SRRM3: variants seen among roughly 807,000 people sequenced by gnomAD.
SRRM3 encodes the protein serine/arginine repetitive matrix protein 3.
In SRRM3, 27 loss-of-function variants were observed where a neutral mutation model predicts 66.2. The observed-to-expected ratio is 0.41, with a 90% CI of 0.30 to 0.56. SRRM3 has a LOEUF of 0.56. Among genes scored for constraint, SRRM3 ranks in the 20% least tolerant of loss-of-function variants. The pLI is 0.32. For missense variants in SRRM3, 918 were observed against 991.9 expected (o/e 0.93, Z 1.00); for synonymous variants, 391 against 414.9 (o/e 0.94, Z 0.70).
intron 1 of SRRM3, among the ~76,000 whole-genome samples, chr7:76,227,387 C>G (rs1800901246): frequency 6.6e-6 from 1 of 152,238 alleles, no homozygotes; most frequent in Non-Finnish European, 1.5e-5. Flanking sequence ...TGTTCCCCAT[C>G]ACAATAAATG....
At chr7:76,223,143 TCTC>T (rs1353588724) in intron 1 of SRRM3, among the ~76,000 whole-genome samples, 118 of 152,236 alleles carry the variant, frequency 7.8e-4, no homozygotes, top group African/African-American at 2.7e-3. Context: ...CACCAGTGCT[TCTC>T]CTTCTGCATT....
rs1563635284 is a variant in SRRM3, at chr7:76,266,487, T to TATATTTATATATTTAATATATAA, written c.831-757_831-735dup. Among the ~76,000 whole-genome samples, 274 of 111,320 alleles carry TATATTTATATATTTAATATATAA rather than the reference T, an allele frequency of 2.5e-3. 4 individuals are homozygous for TATATTTATATATTTAATATATAA. The highest frequency in any genetic ancestry group is 2.8e-3 in the African/African-American group (74 of 26,790). The allele number at this position is 111,320 out of a possible 152,430, so 73.0% of individuals were successfully genotyped here. A position where few individuals can be genotyped will look rare whatever the true frequency, so the allele number is the denominator to read the frequency against. On this transcript the variant is annotated intron_variant, in intron 10 of 14. Transcript: ENST00000611745. The stretch of plus-strand genomic sequence containing the variant: ...ATATTATAAATATTTATATATTTTA[T>TATATTTATATATTTAATATATAA]ATATTTATATATTTAATATATAAAT...
chr7:76,281,971 C>A (rs1356568507), intron 12 of SRRM3, among the ~76,000 whole-genome samples, 169 bp downstream of exon 12: 6 of 107,734 alleles, frequency 5.6e-5, no homozygotes, highest in Non-Finnish European at 3.8e-5. Flanking sequence ...CCATGAGCTA[C>A]CCCCCACGGA....
chr7:76,214,725 G>A (rs1800514868), intron 1 of SRRM3, among the ~76,000 whole-genome samples: 1 of 152,154 alleles, frequency 6.6e-6, no homozygotes, highest in East Asian at 1.9e-4. Context: ...GTTGTTTAAG[G>A]AAAGGTTTGG....
chr7:76,236,601 G>T (rs184541143), intron 2 of SRRM3, among the ~76,000 whole-genome samples: 53 of 152,334 alleles, frequency 3.5e-4, no homozygotes, highest in African/African-American at 1.3e-3. Flanking sequence ...CCCAGGCTTA[G>T]GCAGAGACAG....
chr7:76,209,893 G>A (rs370562182), intron 1 of SRRM3, among the ~76,000 whole-genome samples: 3 of 152,246 alleles, frequency 2.0e-5, no homozygotes, highest in South Asian at 4.1e-4. Context: ...GGCATGAGCC[G>A]CTGCACCCAG....
chr7:76,209,056 A>ACTATATACC (rs1800369151), intron 1 of SRRM3, among the ~76,000 whole-genome samples: 1 of 152,158 alleles, frequency 6.6e-6, no homozygotes, highest in Admixed American at 6.6e-5. Flanking sequence ...CTATGATTGC[A>ACTATATACC]CCACTATACT....
At chr7:76,225,493 G>A (rs28566818) in intron 1 of SRRM3, among the ~76,000 whole-genome samples, 8 of 60,202 alleles carry the variant, frequency 1.3e-4, no homozygotes, top group Admixed American at 3.8e-4. Flanking sequence ...CCCTTTCCCC[G>A]GCAAAAGAGG....
intron 2 of SRRM3, among the ~76,000 whole-genome samples, chr7:76,246,559 G>A (rs576409433): frequency 1.6e-4 from 24 of 151,876 alleles, no homozygotes; most frequent in African/African-American, 3.9e-4. Flanking sequence ...ACGAAACTCC[G>A]TCTCAAAAAA....
intron 1 of SRRM3, among the ~76,000 whole-genome samples, chr7:76,203,978 A>G (rs781819965): frequency 1.8e-4 from 27 of 152,142 alleles, no homozygotes; most frequent in Non-Finnish European, 3.5e-4. Flanking sequence ...TGAACCGGCC[A>G]GCGGGGTGCC....
intron 9 of SRRM3, 145 bp downstream of exon 9, chr7:76,264,960 G>A: frequency 2.1e-6 from 2 of 958,206 alleles, no homozygotes. Context: ...AGAAAGCCAA[G>A]GGCTCTTGCT....
intron 1 of SRRM3, among the ~76,000 whole-genome samples, chr7:76,203,480 G>A (rs189709247): frequency 6.6e-6 from 1 of 152,284 alleles, no homozygotes; most frequent in East Asian, 1.9e-4. Context: ...CTACTTTTAC[G>A]GTATAAAATG....
At chr7:76,257,099 A>C (rs1390271314) in intron 3 of SRRM3, among the ~76,000 whole-genome samples, 1 of 152,166 alleles carries the variant, frequency 6.6e-6, no homozygotes, top group Non-Finnish European at 1.5e-5. Flanking sequence ...CCTGCGACTC[A>C]GAATGCCTAA....
chr7:76,243,360 G>T (rs1414707487), intron 2 of SRRM3, among the ~76,000 whole-genome samples: 2 of 152,100 alleles, frequency 1.3e-5, no homozygotes, highest in Non-Finnish European at 1.5e-5. Flanking sequence ...ACTCAGAGGT[G>T]GTGGTCACAT....
chr7:76,250,096 T>C lies in SRRM3; in HGVS notation c.335+1807T>C, dbSNP rs189788700. 6.4e-4 allele frequency among the ~76,000 whole-genome samples: 98 copies of C among 152,260 alleles called. 1 individual carries two copies. Among genetic ancestry groups the C allele is most frequent in the African/African-American group, 2.3e-3 (95 of 41,552 alleles). Reference sequence around the variant, plus strand: ...TTTTGCTCTGTTGCCCAGGCTGGAGTGCAGTGGCGTGCTCTCGGGTCACTG... The same window carrying C: ...TTTTGCTCTGTTGCCCAGGCTGGAGCGCAGTGGCGTGCTCTCGGGTCACTG... On this transcript the variant is annotated intron_variant, in intron 3 of 14. Transcript: ENST00000611745.
Position 76,285,011 on chromosome 7 carries a change from T to TA in SRRM3, c.1734-603dup, listed in dbSNP as rs1285461330. 6.6e-6 allele frequency among the ~76,000 whole-genome samples: 1 copy of TA among 152,064 alleles called. No individual in the cohort carries two copies. The highest frequency in any genetic ancestry group is 2.4e-5 in the African/African-American group (1 of 41,430). On this transcript the variant is annotated intron_variant, in intron 14 of 14. Transcript: ENST00000611745. The surrounding 1 kb of genome is among the most constrained non-coding windows in gnomAD (Gnocchi z 4.1). The stretch of plus-strand genomic sequence containing the variant: ...GGGCTGGGACGTAGTCACAGACACT[T>TA]ACACGCCAGCTTGGGTGATGGGAGC...
rs377652638 is a variant in SRRM3, at chr7:76,247,343, G to C, written c.234-845G>C. 1.1e-3 allele frequency among the ~76,000 whole-genome samples: 164 copies of C among 151,800 alleles called. 1 individual carries two copies. The highest frequency in any genetic ancestry group is 3.7e-3 in the African/African-American group (155 of 41,362). ...GCAATGAAACTACCCCTTGCCCCCC[G>C]ATAACCCCCCTACAAGCCACTTGGC... On this transcript the variant is annotated intron_variant, in intron 2 of 14. Transcript: ENST00000611745.
At position 76,285,688 on chromosome 7, in the gene SRRM3, TCGA is replaced by T. The variant is rs1802647837; in HGVS notation, c.1809_1811del (p.Thr604del). On this transcript the variant is annotated inframe_deletion, in exon 15 of 15. Coordinates refer to ENST00000611745, the MANE Select transcript of SRRM3 (RefSeq NM_001110199.3). This position sits in a 1 kb window ranked among gnomAD's most constrained non-coding sequence, Gnocchi z 4.1. ...CTCCAGCTGCTTGAGCAGCGACTAC[TCGA>T]CCCGGAGCCACAGCCGCAGCCCCAG... 1 of 1,550,972 alleles carries T rather than the reference TCGA, an allele frequency of 6.4e-7. No individual in the cohort carries two copies. The highest frequency in any genetic ancestry group is 8.7e-7 in the Non-Finnish European group (1 of 1,146,916).
chr7:76,260,215 C>T lies in SRRM3; in HGVS notation c.545+18C>T, dbSNP rs529940960. 1 of 1,522,160 alleles carries T rather than the reference C, an allele frequency of 6.6e-7. No homozygotes were observed. The highest frequency in any genetic ancestry group is 2.2e-5 in the Admixed American group (1 of 45,570). 94.3% of individuals were successfully genotyped at this position (1,522,160 alleles called of 1,614,324 possible). ...AGAAGCCGGTGAGAACCGCGCCTGA[C>T]CGGAGCGGGAAGGGAGGAGGAGGTG... On this transcript the variant is annotated intron_variant, in intron 5 of 14. Transcript: ENST00000611745.
Sources: allele counts gnomAD v4.1 joint callset (sites outside exome capture counted in the v4.1 genomes callset), GRCh38; gene constraint gnomAD v4.1.1; non-coding constraint Gnocchi (gnomAD v3.1); transcripts MANE v1.5; gene names NCBI Gene and HGNC (gene_info 2026-07-23, HGNC 2026-07-21).